The following PTPRT variants were observed in gnomAD, a reference collection of about 807,000 sequenced individuals.
PTPRT encodes the protein receptor-type tyrosine-protein phosphatase T.
A neutral mutation model predicts 176.8 loss-of-function variants in PTPRT; 56 were observed. The ratio of observed to expected loss-of-function variants is 0.32; its 90% CI spans 0.26 to 0.40. The LOEUF (loss-of-function observed/expected upper bound fraction) is 0.40, where lower values mean the gene tolerates loss of function less well. PTPRT is among the 10% of genes least tolerant of loss of function. The pLI, the probability that PTPRT is intolerant of heterozygous loss-of-function variation, is 1.00. For synonymous variants in PTPRT, 783 were observed against 739.0 expected, an observed-to-expected ratio of 1.06 and a Z score of -0.96; for missense variants, 1,540 against 1,908.2, an observed-to-expected ratio of 0.81 and a Z score of 3.60.
rs1194730938 is a variant in PTPRT, at chr20:42,900,924, ATG to A, written c.89-14994_89-14993del. On this transcript the variant is annotated intron_variant, in intron 1 of 30. Transcript: ENST00000373187. ...CATAAAACCCCTCGTGGCCTCTGGA[ATG>A]TGTCTAGACTTGCTGGCTCCTTGCT... Among the ~76,000 whole-genome samples, 3 of 152,232 alleles carry A rather than the reference ATG, an allele frequency of 2.0e-5. No homozygotes were observed. In the East Asian group the frequency reaches 5.8e-4, roughly 29 times the overall value.
intron 1 of PTPRT, among the ~76,000 whole-genome samples, chr20:42,927,922 A>T (rs371650057): frequency 4.6e-5 from 7 of 152,218 alleles, no homozygotes; most frequent in African/African-American, 1.7e-4. Context: ...AACTTGCTCA[A>T]GGTCACACAG....
At chr20:42,851,728 G>T (rs2078474947) in intron 2 of PTPRT, among the ~76,000 whole-genome samples, 1 of 152,170 alleles carries the variant, frequency 6.6e-6, no homozygotes, top group Non-Finnish European at 1.5e-5. Context: ...TTCTGCCATG[G>T]TGGTGCAACA....
At chr20:43,151,198 A>G (rs1030347591) in intron 1 of PTPRT, among the ~76,000 whole-genome samples, 4 of 151,310 alleles carry the variant, frequency 2.6e-5, no homozygotes, top group African/African-American at 9.7e-5. Context: ...CCCAGCTACT[A>G]GGGAGGCTGA....
rs1212846135 is a variant in PTPRT, at chr20:42,662,126, A to G, written c.1153+15740T>C. On this transcript the variant is annotated intron_variant, in intron 7 of 30. Transcript: ENST00000373187. ...AATGAGAGAGAAACTGAAAAAAGAT[A>G]GCATACTGTCCTCTTAATATGTTGT... Among the ~76,000 whole-genome samples the G allele has an allele frequency of 2.6e-5, 4 of 152,218 alleles. No individual in the cohort carries two copies. The East Asian group carries it at 7.7e-4, about 29-fold the overall frequency.
chr20:42,144,567 AG>A (rs1988777668), intron 17 of PTPRT, among the ~76,000 whole-genome samples: 1 of 152,190 alleles, frequency 6.6e-6, no homozygotes, highest in East Asian at 1.9e-4. Flanking sequence ...ATGGAAACAC[AG>A]GGAAGGGTGC....
At chr20:42,476,982 GC>G (rs950999022) in intron 7 of PTPRT, among the ~76,000 whole-genome samples, 18 of 152,304 alleles carry the variant, frequency 1.2e-4, no homozygotes, top group African/African-American at 4.3e-4. Flanking sequence ...TTAGTCTGTA[GC>G]CCCTTCCCCC....
chr20:43,032,546 G>A lies in PTPRT; in HGVS notation c.89-146614C>T, dbSNP rs1986187025. ...GGGGGAAATATATATAATTAATCCA[G>A]AAGGGAGAAGGGAAACCATTTTTGT... On this transcript the variant is annotated intron_variant, in intron 1 of 30. Coordinates refer to ENST00000373187, the MANE Select transcript of PTPRT (RefSeq NM_007050.6). 2.0e-5 allele frequency among the ~76,000 whole-genome samples: 3 copies of A among 148,326 alleles called. No individual in the cohort carries two copies. In the Admixed American group the frequency reaches 2.0e-4, roughly 10 times the overall value.
chr20:42,335,774 T>C (rs2058031583), intron 11 of PTPRT, among the ~76,000 whole-genome samples: 1 of 152,140 alleles, frequency 6.6e-6, no homozygotes, highest in African/African-American at 2.4e-5. Flanking sequence ...AATGTATGAA[T>C]AGTTTAATAA....
chr20:42,383,654 G>A (rs1226252335), intron 9 of PTPRT, among the ~76,000 whole-genome samples: 2 of 152,134 alleles, frequency 1.3e-5, no homozygotes, highest in Non-Finnish European at 2.9e-5. Context: ...CAGGAATAAT[G>A]CAAGCATATT....
At chr20:42,416,546 CCTT>C (rs910381313) in intron 9 of PTPRT, among the ~76,000 whole-genome samples, 1 of 152,180 alleles carries the variant, frequency 6.6e-6, no homozygotes, top group Non-Finnish European at 1.5e-5. Flanking sequence ...GACCGACTGG[CCTT>C]CTATTTGCTG....
At chr20:43,107,026 G>A (rs1342784186) in intron 1 of PTPRT, among the ~76,000 whole-genome samples, 1 of 152,098 alleles carries the variant, frequency 6.6e-6, no homozygotes, top group Non-Finnish European at 1.5e-5. Context: ...CCAATCTCAG[G>A]TGATCCGCCC....
chr20:42,888,423 T>C (rs1411913475), intron 1 of PTPRT, among the ~76,000 whole-genome samples: 2 of 152,206 alleles, frequency 1.3e-5, no homozygotes, highest in African/African-American at 4.8e-5. Flanking sequence ...ACCGATTACA[T>C]ATACTATCTC....
chr20:42,500,915 C>T (rs1192816514), intron 7 of PTPRT, among the ~76,000 whole-genome samples: 1 of 152,118 alleles, frequency 6.6e-6, no homozygotes, highest in Non-Finnish European at 1.5e-5. Flanking sequence ...CATAGTCTCT[C>T]AATGAACCCA....
At chr20:43,180,094 C>CA (rs1384386339) in intron 1 of PTPRT, among the ~76,000 whole-genome samples, 1 of 152,158 alleles carries the variant, frequency 6.6e-6, no homozygotes, top group Non-Finnish European at 1.5e-5. Context: ...CCGAACAGAA[C>CA]AAAAAGGTAG....
chr20:43,170,927 G>A (rs1214088299), intron 1 of PTPRT, among the ~76,000 whole-genome samples: 5 of 152,134 alleles, frequency 3.3e-5, no homozygotes, highest in South Asian at 4.1e-4. Flanking sequence ...TCGCAGCTTC[G>A]AAACTGAGAC....
intron 9 of PTPRT, among the ~76,000 whole-genome samples, chr20:42,357,295 C>T (rs114644830): frequency 4.3e-4 from 65 of 152,308 alleles, no homozygotes; most frequent in African/African-American, 1.3e-3. Flanking sequence ...CTACAGCCCA[C>T]GCTGCCTAAA....
At chr20:42,913,568 C>T (rs918069355) in intron 1 of PTPRT, among the ~76,000 whole-genome samples, 2 of 152,118 alleles carry the variant, frequency 1.3e-5, no homozygotes, top group African/African-American at 2.4e-5. Flanking sequence ...AATAAGGTCA[C>T]ATTCTGAGTT....
chr20:43,121,501 G>A (rs183766254), intron 1 of PTPRT, among the ~76,000 whole-genome samples: 1 of 152,324 alleles, frequency 6.6e-6, no homozygotes, highest in East Asian at 1.9e-4. Flanking sequence ...GTCTGTATCA[G>A]TTAATGAATC....
intron 9 of PTPRT, among the ~76,000 whole-genome samples, chr20:42,356,509 A>G (rs1278230868): frequency 6.6e-6 from 1 of 152,040 alleles, no homozygotes; most frequent in East Asian, 1.9e-4. Context: ...AGCCTGACCA[A>G]CACAGAGAAA....
Sources: gnomAD v4.1 joint callset for allele counts (sites outside exome capture counted in the v4.1 genomes callset) on GRCh38, gnomAD v4.1.1 for gene constraint, MANE v1.5 for transcripts, NCBI Gene and HGNC (gene_info 2026-07-23, HGNC 2026-07-21) for gene names.